Variants in IKZF1 observed in about 807,000 individuals in gnomAD.
IKZF1 encodes the protein IKAROS family zinc finger 1, also known as DNA-binding protein Ikaros.
In IKZF1, 10 loss-of-function variants were observed where a neutral mutation model predicts 51.7. That is an observed-to-expected ratio of 0.19 (90% CI 0.12 to 0.33). The LOEUF is 0.33. IKZF1 is among the 10% of genes least tolerant of loss of function. IKZF1 has a pLI of 1.00. For missense variants in IKZF1, 484 were observed against 707.5 expected (o/e 0.68, Z 3.58); for synonymous variants, 280 against 282.3 (o/e 0.99, Z 0.08).
intron 3 of IKZF1, among the ~76,000 whole-genome samples, chr7:50,359,180 G>A (rs564594848): frequency 3.3e-5 from 5 of 152,258 alleles, no homozygotes; most frequent in African/African-American, 1.2e-4. Context: ...AGGATTGCTT[G>A]AGCCCAAGAG....
intron 2 of IKZF1, among the ~76,000 whole-genome samples, chr7:50,324,753 C>G (rs1257523906): frequency 6.6e-6 from 1 of 152,090 alleles, no homozygotes; most frequent in Non-Finnish European, 1.5e-5. Flanking sequence ...ATAGATACAG[C>G]AGTTAAATTT....
At chr7:50,311,507 G>A (rs537774958) in intron 1 of IKZF1, among the ~76,000 whole-genome samples, 8 of 152,296 alleles carry the variant, frequency 5.3e-5, no homozygotes, top group South Asian at 2.1e-4. Context: ...AAATATACAC[G>A]TATGGGTTCA....
chr7:50,349,681 G>A (rs147761122), intron 3 of IKZF1, among the ~76,000 whole-genome samples: 1,809 of 152,194 alleles, frequency 0.012, 43 homozygotes, highest in African/African-American at 0.04. Context: ...GGGCATGGGG[G>A]TGATGGGGAA....
rs1435778630 is a variant in IKZF1 at position 50,376,132 on chromosome 7, G to A, written c.161-401G>A. 6.6e-6 allele frequency among the ~76,000 whole-genome samples: 1 copy of A among 152,198 alleles called. No individual in the cohort carries two copies. Among genetic ancestry groups the A allele is most frequent in the Non-Finnish European group, 1.5e-5 (1 of 68,038 alleles). Reference sequence around the variant, plus strand: ...CTAGAGAGCTGGATTGTGTGACCCAGAACCCACCCTCTAGGGCAAGGTGCC... The same window carrying A: ...CTAGAGAGCTGGATTGTGTGACCCAAAACCCACCCTCTAGGGCAAGGTGCC... On this transcript the variant is annotated intron_variant, in intron 3 of 7. Transcript: ENST00000331340. The surrounding 1 kb of genome is among the most constrained non-coding windows in gnomAD (Gnocchi z 4.5).
intron 7 of IKZF1, chr7:50,393,802 G>C (rs1584998814): frequency 4.3e-6 from 1 of 233,244 alleles, no homozygotes; most frequent in African/African-American, 2.2e-5. Flanking sequence ...CAGTGACAGA[G>C]AGATGGGTGG....
At chr7:50,339,701 C>T (rs1798630305) in intron 3 of IKZF1, among the ~76,000 whole-genome samples, 1 of 151,288 alleles carries the variant, frequency 6.6e-6, no homozygotes, top group Non-Finnish European at 1.5e-5. Flanking sequence ...TTGCAGTGAG[C>T]CAAGATTGTG....
intron 3 of IKZF1, chr7:50,368,965 C>G (rs1807836855): frequency 4.5e-6 from 1 of 222,238 alleles, no homozygotes; most frequent in Admixed American, 5.8e-5. Flanking sequence ...TATCTGGTGT[C>G]TAAGGAATTT....
At position 50,376,129 on chromosome 7, in the gene IKZF1, C is replaced by G. The variant is rs912206073; in HGVS notation, c.161-404C>G. Among the ~76,000 whole-genome samples the G allele has an allele frequency of 6.6e-6, 1 of 152,148 alleles. No homozygotes were observed. The highest frequency in any genetic ancestry group is 6.5e-5 in the Admixed American group (1 of 15,280). ...ATCCTAGAGAGCTGGATTGTGTGAC[C>G]CAGAACCCACCCTCTAGGGCAAGGT... is the stretch of plus-strand genomic sequence containing the variant. On this transcript the variant is annotated intron_variant, in intron 3 of 7. Coordinates refer to ENST00000331340, the MANE Select transcript of IKZF1 (RefSeq NM_006060.6). This position sits in a 1 kb window ranked among gnomAD's most constrained non-coding sequence, Gnocchi z 4.5.
At chr7:50,328,660 C>T (rs936385312) in intron 3 of IKZF1, 3 of 152,124 alleles carry the variant, frequency 2.0e-5, no homozygotes, top group Admixed American at 1.3e-4. Context: ...CCCCCATAGC[C>T]AAGGAGGGAA....
At chr7:50,374,672 C>T (rs926855718) in intron 3 of IKZF1, among the ~76,000 whole-genome samples, 2 of 152,186 alleles carry the variant, frequency 1.3e-5, no homozygotes, top group African/African-American at 4.8e-5. Flanking sequence ...TGCCATGCCC[C>T]AACCACTATC....
chr7:50,364,125 C>T (rs780413771), intron 3 of IKZF1, among the ~76,000 whole-genome samples: 15 of 152,230 alleles, frequency 9.9e-5, no homozygotes, highest in Non-Finnish European at 1.8e-4. Flanking sequence ...TCAGTGTTCT[C>T]GAATTTGAAA....
At chr7:50,341,050 C>A (rs1798947371) in intron 3 of IKZF1, among the ~76,000 whole-genome samples, 1 of 151,838 alleles carries the variant, frequency 6.6e-6, no homozygotes, top group African/African-American at 2.4e-5. Flanking sequence ...ATTTCAATAA[C>A]CATGTTTTAT....
chr7:50,399,217 G>T (rs1817481199), intron 7 of IKZF1, among the ~76,000 whole-genome samples: 4 of 152,080 alleles, frequency 2.6e-5, no homozygotes. Context: ...ATGTTTCTGG[G>T]GAGCCCTGCT....
intron 3 of IKZF1, among the ~76,000 whole-genome samples, chr7:50,343,062 T>A (rs1253859930): frequency 2.0e-5 from 3 of 151,808 alleles, no homozygotes; most frequent in African/African-American, 7.3e-5. Flanking sequence ...TCTTTTTAAT[T>A]TTCCTCCTTT....
In IKZF1 at chr7:50,402,703, A is replaced by G. The variant is rs898876949; in HGVS notation, c.*2076A>G. On this transcript the variant is annotated 3_prime_UTR_variant, in exon 8 of 8. Transcript: ENST00000331340. ...CTTAAAAATATATTTCCTCATAAAC[A>G]TTTGAGTTTTGTTGAAAAGATGGAG... The G allele has an allele frequency of 4.3e-6, 1 of 230,012 alleles. No individual in the cohort carries two copies. The highest frequency in any genetic ancestry group is 5.7e-5 in the Admixed American group (1 of 17,672). 14.2% of individuals were successfully genotyped at this position (230,012 alleles called of 1,614,324 possible).
intron 3 of IKZF1, among the ~76,000 whole-genome samples, chr7:50,339,241 G>GTGTGTC (rs1280282395): frequency 6.6e-5 from 10 of 151,474 alleles, no homozygotes; most frequent in African/African-American, 2.4e-4. Context: ...GTGTGTGTGT[G>GTGTGTC]TGTGTGTGTG....
At position 50,319,071 on chromosome 7, in the gene IKZF1, G is replaced by T. The variant is rs1792377766; in HGVS notation, c.10G>T (p.Asp4Tyr). The change falls in exon 2 of 8, where the codon GAT (aspartate) becomes TAT (tyrosine). Residue 4 changes from aspartate to tyrosine, a missense_variant. Transcript: ENST00000331340. The part of the protein sequence containing the change: MDA[D>Y]EGQDMSQVSG... ...AGATAACCTGAGGACCATGGATGCT[G>T]ATGAGGGTCAAGACATGTCCCAAGT... is the stretch of plus-strand genomic sequence containing the variant. 6.2e-7 allele frequency: 1 copy of T among 1,613,552 alleles called. No individual in the cohort carries two copies. The highest frequency in any genetic ancestry group is 1.7e-5 in the Admixed American group (1 of 60,032).
At chr7:50,348,865 G>A (rs1012415320) in intron 3 of IKZF1, among the ~76,000 whole-genome samples, 2 of 152,184 alleles carry the variant, frequency 1.3e-5, no homozygotes, top group Admixed American at 6.5e-5. Flanking sequence ...CCCACTGGCC[G>A]TGGGGCAGTT....
chr7:50,304,172 C>A (rs1201454061), upstream of IKZF1: 1 of 149,294 alleles, frequency 6.7e-6, no homozygotes, highest in Non-Finnish European at 1.5e-5. Context: ...CGGAGCCCGG[C>A]GCGATTGCAA....
Sources: gnomAD v4.1 joint callset for allele counts (sites outside exome capture counted in the v4.1 genomes callset) on GRCh38, gnomAD v4.1.1 for gene constraint, Gnocchi (gnomAD v3.1) non-coding constraint, MANE v1.5 for transcripts, NCBI Gene and HGNC (gene_info 2026-07-23, HGNC 2026-07-21) for gene names.